Variants in ACSM5 observed in about 807,000 individuals in gnomAD.
ACSM5 encodes acyl-coenzyme A synthetase ACSM5, mitochondrial.
In ACSM5, 56 loss-of-function variants were observed where a neutral mutation model predicts 71.6. That is an observed-to-expected ratio of 0.78 (90% confidence interval 0.63 to 0.98). ACSM5 has a LOEUF of 0.98. Among genes scored for constraint, ACSM5 ranks in the 50% least tolerant of loss-of-function variants. The pLI is 0.00. For missense variants in ACSM5, 723 were observed against 726.0 expected, an observed-to-expected ratio of 1.00 and a Z score of 0.05; for synonymous variants, 285 against 281.5, an observed-to-expected ratio of 1.01 and a Z score of -0.12.
intron 6 of ACSM5, among the ~76,000 whole-genome samples, chr16:20,425,727 A>G (rs1461234190): frequency 1.3e-5 from 2 of 152,118 alleles, no homozygotes; most frequent in Non-Finnish European, 2.9e-5. Context: ...ATAGTCTACA[A>G]TCTCATCCAG....
rs147689326 is a variant in ACSM5 at position 20,437,273 on chromosome 16, G to A, written c.1442G>A (p.Arg481Gln). ...NDDVINSSSY[R>Q]IGPVEVESAL... ...AGTTTGTTTTTCCCTTCCAGCTACC[G>A]GATCGGGCCTGTTGAAGTGGAAAGT... The change falls in exon 12 of 14, where the codon CGG (arginine) becomes CAG (glutamine). Residue 481 changes from arginine to glutamine, a missense_variant. By Grantham distance (43) the Arg-to-Gln change is conservative. Coordinates refer to ENST00000331849, the MANE Select transcript of ACSM5 (RefSeq NM_017888.3). The A allele has an allele frequency of 7.0e-4, 1,136 of 1,614,004 alleles. 1 individual carries two copies. The highest frequency in any genetic ancestry group is 1.3e-3 in the Admixed American group (80 of 60,006).
chr16:20,440,202 T>C, intron 13 of ACSM5, 142 bp from the exon 14 acceptor site: 2 of 689,550 alleles, frequency 2.9e-6, no homozygotes, highest in Non-Finnish European at 5.0e-6. Context: ...CTCCAGCTGT[T>C]TTGCTTCTGG....
chr16:20,426,734 G>A (rs546028015), intron 6 of ACSM5, among the ~76,000 whole-genome samples: 1 of 152,300 alleles, frequency 6.6e-6, no homozygotes, highest in Admixed American at 6.5e-5. Flanking sequence ...AAGTACAATG[G>A]TGTTTACCAG....
intron 2 of ACSM5, among the ~76,000 whole-genome samples, chr16:20,416,902 T>C (rs1026659597): frequency 6.6e-6 from 1 of 151,928 alleles, no homozygotes; most frequent in Non-Finnish European, 1.5e-5. Flanking sequence ...GAAGAGACAT[T>C]TCTTCAAGGA....
intron 5 of ACSM5, among the ~76,000 whole-genome samples, chr16:20,421,709 A>G (rs1396821042): frequency 6.7e-6 from 1 of 150,074 alleles, no homozygotes; most frequent in African/African-American, 2.5e-5. Context: ...ATATACATAT[A>G]TCATAAATGT....
At chr16:20,421,898 A>C (rs541956818) in intron 5 of ACSM5, among the ~76,000 whole-genome samples, 14 of 151,202 alleles carry the variant, frequency 9.3e-5, no homozygotes, top group African/African-American at 2.9e-4. Flanking sequence ...CCTCTATTTT[A>C]CTTTTCATCT....
In ACSM5 at chr16:20,437,089, A is replaced by T. The variant is rs143897478; in HGVS notation, c.1346A>T (p.Asp449Val). The T allele has an allele frequency of 6.2e-7, 1 of 1,613,474 alleles. No individual in the cohort carries two copies. The highest frequency in any genetic ancestry group is 2.2e-5 in the East Asian group (1 of 44,728). Residue 449 changes from aspartate (D) to valine (V), a missense_variant, in exon 11 of 14, where the codon GAC becomes GTC. By Grantham distance (152) the Asp-to-Val change is radical. Transcript: ENST00000331849. ...AAGACAGCTGCATCAGAACAAGGGGACTTTTACATCACAGGGGACCGAGCT... is the reference window on the plus strand; with the variant it reads ...AAGACAGCTGCATCAGAACAAGGGGTCTTTTACATCACAGGGGACCGAGCT... ...PEKTAASEQGDFYITGDRARM... is the reference protein window; with the variant it reads ...PEKTAASEQGVFYITGDRARM...
chr16:20,421,132 G>T lies in ACSM5; in HGVS notation c.624-126G>T, dbSNP rs530139630. ...GTGGTTGCAGATTACCCAAGCCAGAGCTTTCAGCACAGCACCTCACATGTG... is the reference window on the plus strand; with the variant it reads ...GTGGTTGCAGATTACCCAAGCCAGATCTTTCAGCACAGCACCTCACATGTG... On this transcript the variant is annotated intron_variant, in intron 4 of 13. Transcript: ENST00000331849. The T allele has an allele frequency of 4.0e-6, 5 of 1,262,126 alleles. No individual in the cohort carries two copies. In the African/African-American group the frequency reaches 4.6e-5, roughly 12 times the overall value. The allele number at this position is 1,262,126 out of a possible 1,614,324, so 78.2% of individuals were successfully genotyped here.
intron 7 of ACSM5, among the ~76,000 whole-genome samples, chr16:20,428,191 C>T (rs1370431272): frequency 1.3e-5 from 2 of 152,198 alleles, no homozygotes; most frequent in Admixed American, 6.5e-5. Context: ...TCACACCATA[C>T]ACCCATGGGC....
intron 5 of ACSM5, among the ~76,000 whole-genome samples, chr16:20,423,666 C>T (rs181011972): frequency 1.3e-5 from 2 of 152,300 alleles, no homozygotes; most frequent in East Asian, 3.9e-4. Context: ...ATTTTTTCCC[C>T]TTATATATCA....
At position 20,429,677 on chromosome 16, in the gene ACSM5, G is replaced by A. The variant is rs751481263; in HGVS notation, c.1002-1G>A. On this transcript the variant is annotated splice_acceptor_variant, in intron 7 of 13. Transcript: ENST00000331849. LOFTEE classifies it high-confidence loss of function. ...TGGCCTTGTTTTCCTGTCTGAGAAA[G>A]GTACCAGTTTCAGAGCCTGAGGCAC... is the stretch of plus-strand genomic sequence containing the variant. The A allele has an allele frequency of 6.2e-6, 10 of 1,613,888 alleles. No homozygotes were observed. The highest frequency in any genetic ancestry group is 6.8e-6 in the Non-Finnish European group (8 of 1,179,922).
In ACSM5 at chr16:20,423,896, C is replaced by G; in HGVS notation, c.768-20C>G. The G allele has an allele frequency of 6.2e-7, 1 of 1,613,396 alleles. No homozygotes were observed. The highest frequency in any genetic ancestry group is 1.1e-5 in the South Asian group (1 of 90,890). On this transcript the variant is annotated intron_variant, in intron 5 of 13. Coordinates refer to ENST00000331849, the MANE Select transcript of ACSM5 (RefSeq NM_017888.3). The stretch of plus-strand genomic sequence containing the variant: ...GTAGAGTCATTGCCAAGGTTACTGA[C>G]GTTCTCTAATTTTTGGCAGACGGTG...
At position 20,441,290 on chromosome 16, in the gene ACSM5, G is replaced by T. The variant is rs66516462; in HGVS notation, c.*863G>T. ...TTCTGTATTTTCCAAGTTTTTGTAC[G>T]AAGCACATACAACTATTTTAATGAA... On this transcript the variant is annotated 3_prime_UTR_variant, in exon 14 of 14. Coordinates refer to ENST00000331849, the MANE Select transcript of ACSM5 (RefSeq NM_017888.3). 1 of 152,046 alleles carries T rather than the reference G, an allele frequency of 6.6e-6. No individual in the cohort carries two copies. The highest frequency in any genetic ancestry group is 1.9e-4 in the East Asian group (1 of 5,184). The allele number at this position is 152,046 out of a possible 1,614,324, so 9.4% of individuals were successfully genotyped here.
At chr16:20,412,005 C>T (rs866992539) in intron 2 of ACSM5, 16 of 358,650 alleles carry the variant, frequency 4.5e-5, no homozygotes, top group Middle Eastern at 8.8e-4. Context: ...TTTGCTGCTA[C>T]TCTGTCTTTG....
chr16:20,421,431 A>C (rs1966879977), intron 5 of ACSM5, 30 bp downstream of exon 5: 9 of 1,538,664 alleles, frequency 5.8e-6, no homozygotes, highest in African/African-American at 1.4e-5. Context: ...AGAGGATCCA[A>C]GAACAGAAAG....
chr16:20,435,517 C>T (rs7498385), intron 10 of ACSM5, among the ~76,000 whole-genome samples: 74,031 of 151,932 alleles, frequency 0.49, 20,153 homozygotes, highest in East Asian at 0.78. Flanking sequence ...AATTCACCCA[C>T]GTTAAGTGTG....
chr16:20,413,259 G>A (rs1190901410), intron 2 of ACSM5, among the ~76,000 whole-genome samples: 1 of 152,156 alleles, frequency 6.6e-6, no homozygotes, highest in Non-Finnish European at 1.5e-5. Context: ...GAAAAAAAAT[G>A]GTAGAATAAG....
At chr16:20,429,464 T>C (rs1414957280) in intron 7 of ACSM5, among the ~76,000 whole-genome samples, 2 of 152,188 alleles carry the variant, frequency 1.3e-5, no homozygotes, top group Non-Finnish European at 2.9e-5. Context: ...CTTCTGATTT[T>C]ATCTCAAACT....
At chr16:20,423,889 T>C in intron 5 of ACSM5, 27 bp from the exon 6 acceptor site, 1 of 1,613,286 alleles carries the variant, frequency 6.2e-7, no homozygotes, top group South Asian at 1.1e-5. Context: ...ATTGCCAAGG[T>C]TACTGACGTT....
Sources: gnomAD v4.1 joint callset for allele counts (sites outside exome capture counted in the v4.1 genomes callset) on GRCh38, gnomAD v4.1.1 for gene constraint, MANE v1.5 for transcripts, NCBI Gene and HGNC (gene_info 2026-07-23, HGNC 2026-07-21) for gene names.